The following SPAG16 variants were observed in gnomAD, a reference collection of about 807,000 sequenced individuals.
SPAG16 encodes sperm-associated antigen 16 protein.
Under a neutral mutation model 80.4 loss-of-function variants are expected in SPAG16, and 86 were observed. That is an observed-to-expected ratio of 1.07 (90% CI 0.90 to 1.28). SPAG16 has a LOEUF of 1.28. Ranked by LOEUF, SPAG16 falls within the 50% of genes most tolerant of loss-of-function variation. The pLI is 0.00. For synonymous variants in SPAG16, 294 were observed against 265.9 expected (o/e 1.11, Z -1.03); for missense variants, 870 against 765.3 (o/e 1.14, Z -1.61).
At position 213,908,582 on chromosome 2, in the gene SPAG16, A is replaced by G. The variant is rs867040205; in HGVS notation, c.1215-21378A>G. 5.3e-5 allele frequency among the ~76,000 whole-genome samples: 8 copies of G among 152,236 alleles called. No individual in the cohort carries two copies. The Middle Eastern group carries it at 0.027, about 518-fold the overall frequency. On this transcript the variant is annotated intron_variant, in intron 11 of 15. Coordinates refer to ENST00000331683, the MANE Select transcript of SPAG16 (RefSeq NM_024532.5). ...TGAAATCTACCTCTCTCATTCGACG[A>G]GAATTCATAATACCTATATATAGTG...
chr2:213,987,075 T>C lies in SPAG16; in HGVS notation c.1401-26876T>C, dbSNP rs76750424. ...TCCCAGTAGGGAAAATAGAAGGACA[T>C]CTAAAGTTCATTTCCTCAAGGTGGG... On this transcript the variant is annotated intron_variant, in intron 12 of 15. Transcript: ENST00000331683. 5.6e-3 allele frequency among the ~76,000 whole-genome samples: 850 copies of C among 152,220 alleles called. 7 individuals are homozygous for C. The highest frequency in any genetic ancestry group is 0.02 in the African/African-American group (818 of 41,552).
chr2:213,699,458 A>G (rs1432799384), intron 10 of SPAG16, among the ~76,000 whole-genome samples: 1 of 152,196 alleles, frequency 6.6e-6, no homozygotes, highest in Non-Finnish European at 1.5e-5. Flanking sequence ...ACAGCCCTAG[A>G]AAAGAAATTT....
At chr2:213,864,539 C>T (rs2075610404) in intron 11 of SPAG16, among the ~76,000 whole-genome samples, 1 of 152,088 alleles carries the variant, frequency 6.6e-6, no homozygotes, top group Non-Finnish European at 1.5e-5. Flanking sequence ...AGGGTGGACA[C>T]AGTATATACT....
At chr2:213,608,636 G>A (rs1053396321) in intron 10 of SPAG16, among the ~76,000 whole-genome samples, 7 of 152,194 alleles carry the variant, frequency 4.6e-5, no homozygotes, top group Non-Finnish European at 8.8e-5. Context: ...AGAAACATTC[G>A]TGTGTATGTG....
At chr2:214,108,467 ACACACACACACACCCC>A (rs1559802924) in intron 14 of SPAG16, among the ~76,000 whole-genome samples, 5 of 88,856 alleles carry the variant, frequency 5.6e-5, no homozygotes, top group African/African-American at 2.3e-4. Context: ...ACACACACAC[ACACACACACACACCCC>A]CACACACACC....
chr2:213,925,034 A>C (rs2078403796), intron 11 of SPAG16, among the ~76,000 whole-genome samples: 1 of 152,074 alleles, frequency 6.6e-6, no homozygotes, highest in African/African-American at 2.4e-5. Flanking sequence ...GCTCACTCTT[A>C]ACATTTTACC....
intron 15 of SPAG16, among the ~76,000 whole-genome samples, chr2:214,256,402 A>G (rs559238883): frequency 6.6e-6 from 1 of 151,868 alleles, no homozygotes; most frequent in South Asian, 2.1e-4. Flanking sequence ...TGGCTTGCTC[A>G]TTTATTTCTT....
chr2:214,109,879 C>T (rs1468438023), intron 14 of SPAG16, among the ~76,000 whole-genome samples: 1 of 151,964 alleles, frequency 6.6e-6, no homozygotes, highest in African/African-American at 2.4e-5. Context: ...CATTAAGTGG[C>T]GTATAGCTTC....
chr2:213,573,222 A>G (rs1299846435), intron 10 of SPAG16, among the ~76,000 whole-genome samples: 3 of 152,232 alleles, frequency 2.0e-5, no homozygotes, highest in South Asian at 2.1e-4. Context: ...TGGGAGCTGT[A>G]GACCGGAGCT....
At chr2:213,886,364 G>A (rs1189763966) in intron 11 of SPAG16, among the ~76,000 whole-genome samples, 1 of 152,078 alleles carries the variant, frequency 6.6e-6, no homozygotes, top group Non-Finnish European at 1.5e-5. Context: ...GGCAGGAGGA[G>A]AGTGGTGGCG....
chr2:213,292,045 GTTGA>G (rs2062295245), intron 1 of SPAG16, among the ~76,000 whole-genome samples: 1 of 152,156 alleles, frequency 6.6e-6, no homozygotes, highest in Non-Finnish European at 1.5e-5. Flanking sequence ...GTATGTAAGT[GTTGA>G]TTGATATTTT....
intron 10 of SPAG16, among the ~76,000 whole-genome samples, chr2:213,586,052 T>C (rs1379882855): frequency 6.6e-6 from 1 of 152,218 alleles, no homozygotes; most frequent in African/African-American, 2.4e-5. Flanking sequence ...TTTTAGAGAT[T>C]ACATAAGAAA....
chr2:213,556,373 A>T (rs556833539), intron 10 of SPAG16, among the ~76,000 whole-genome samples: 3 of 151,656 alleles, frequency 2.0e-5, no homozygotes, highest in African/African-American at 7.2e-5. Flanking sequence ...CTTTACTTCT[A>T]AAAACCATGT....
At chr2:214,394,617 T>G (rs750529141) in intron 15 of SPAG16, among the ~76,000 whole-genome samples, 2 of 152,170 alleles carry the variant, frequency 1.3e-5, no homozygotes, top group Non-Finnish European at 2.9e-5. Context: ...ACAGAAAAAT[T>G]GAAAGTACAG....
At position 214,005,800 on chromosome 2, in the gene SPAG16, G is replaced by A. The variant is rs563679357; in HGVS notation, c.1401-8151G>A. On this transcript the variant is annotated intron_variant, in intron 12 of 15. Coordinates refer to ENST00000331683, the MANE Select transcript of SPAG16 (RefSeq NM_024532.5). ...TCACTCGAGGACTTTGCCTGGCTAA[G>A]GTGCAAAATTCTTGTGAATTTTAAA... 6.6e-5 allele frequency among the ~76,000 whole-genome samples: 10 copies of A among 152,212 alleles called. No individual in the cohort carries two copies. The South Asian group carries it at 2.1e-3, about 32-fold the overall frequency.
chr2:213,633,146 A>C lies in SPAG16; in HGVS notation c.1070+143056A>C, dbSNP rs2062220865. Among the ~76,000 whole-genome samples, 4 of 152,166 alleles carry C rather than the reference A, an allele frequency of 2.6e-5. No homozygotes were observed. In the South Asian group the frequency reaches 8.3e-4, roughly 32 times the overall value. ...TTTTTATTATGGCTTCAATCTTGTT[A>C]CTTGTTATTGGTCAGTTCAGGTTTT... On this transcript the variant is annotated intron_variant, in intron 10 of 15. Transcript: ENST00000331683.
intron 15 of SPAG16, among the ~76,000 whole-genome samples, chr2:214,315,436 T>C (rs1695608035): frequency 6.6e-6 from 1 of 152,110 alleles, no homozygotes; most frequent in Non-Finnish European, 1.5e-5. Context: ...GAATATGAGG[T>C]TATCTAAGGA....
At chr2:213,526,751 T>C (rs187827361) in intron 10 of SPAG16, among the ~76,000 whole-genome samples, 1 of 152,376 alleles carries the variant, frequency 6.6e-6, no homozygotes, top group Non-Finnish European at 1.5e-5. Context: ...AATGTCTTTA[T>C]TATTCTGATT....
chr2:213,844,272 A>G (rs569507611), intron 10 of SPAG16, among the ~76,000 whole-genome samples: 1 of 152,340 alleles, frequency 6.6e-6, no homozygotes, highest in South Asian at 2.1e-4. Context: ...GTTTTATCTC[A>G]GCCTAATTAA....
Sources: allele counts gnomAD v4.1 joint callset (sites outside exome capture counted in the v4.1 genomes callset), GRCh38; gene constraint gnomAD v4.1.1; transcripts MANE v1.5; gene names NCBI Gene and HGNC (gene_info 2026-07-23, HGNC 2026-07-21).